Variants in RABEP2 observed in about 807,000 individuals in gnomAD.
RABEP2 encodes the protein rabaptin, RAB GTPase binding effector protein 2, also known as rab GTPase-binding effector protein 2.
A neutral mutation model predicts 74.1 loss-of-function variants in RABEP2; 57 were observed. That is an observed-to-expected ratio of 0.77 (90% CI 0.62 to 0.96). The LOEUF (loss-of-function observed/expected upper bound fraction) is 0.96, where lower values mean the gene tolerates loss of function less well. RABEP2 is among the 40% of genes least tolerant of loss of function. The pLI is 0.00. For synonymous variants in RABEP2, 351 were observed against 344.0 expected (o/e 1.02, Z -0.23); for missense variants, 692 against 756.3 (o/e 0.91, Z 1.00).
chr16:28,925,056 C>T, intron 1 of RABEP2, 47 bp downstream of exon 1: 2 of 1,539,346 alleles, frequency 1.3e-6, no homozygotes, highest in Non-Finnish European at 1.7e-6. Context: ...CTCGGCCCCG[C>T]CCCCAGCATC....
rs1274632325 is a variant in RABEP2, at chr16:28,925,216, C to T, written c.-53G>A. The T allele has an allele frequency of 2.0e-6, 3 of 1,500,250 alleles. No homozygotes were observed. Among genetic ancestry groups the T allele is most frequent in the African/African-American group, 1.4e-5 (1 of 70,840 alleles). The allele number at this position is 1,500,250 out of a possible 1,614,324, so 92.9% of individuals were successfully genotyped here. Reference sequence around the variant, plus strand: ...CACTCCCTGGTGACGGAGCGCACCGCTTCCGGGTCCTCTCGGCTGTTTCCG... The same window carrying T: ...CACTCCCTGGTGACGGAGCGCACCGTTTCCGGGTCCTCTCGGCTGTTTCCG... On this transcript the variant is annotated 5_prime_UTR_variant, in exon 1 of 13. Transcript: ENST00000358201.
At chr16:28,905,104 C>T in intron 12 of RABEP2, 60 bp from the exon 13 acceptor site, 2 of 1,418,404 alleles carry the variant, frequency 1.4e-6, no homozygotes, top group South Asian at 1.2e-5. Flanking sequence ...CCCTACCCCA[C>T]CTGCCAGCCC....
intron 7 of RABEP2, chr16:28,910,393 T>A (rs1391023129): frequency 1.3e-5 from 2 of 152,322 alleles, no homozygotes; most frequent in African/African-American, 4.8e-5. Flanking sequence ...CAAGCGATTA[T>A]CCTGCCCAGC....
In RABEP2 at chr16:28,924,702, GCCTTCATCTGGGGCCT is replaced by G. The variant is rs1953549959; in HGVS notation, c.62-103_62-88del. The G allele has an allele frequency of 6.4e-6, 8 of 1,244,546 alleles. No individual in the cohort carries two copies. In the South Asian group the frequency reaches 1.0e-4, roughly 16 times the overall value. The allele number at this position is 1,244,546 out of a possible 1,614,324, so 77.1% of individuals were successfully genotyped here. A position where few individuals can be genotyped will look rare whatever the true frequency, so the allele number is the denominator to read the frequency against. On this transcript the variant is annotated intron_variant, in intron 1 of 12. Transcript: ENST00000358201. ...GCAAGTCCTGCAACCTAGTACTGTT[GCCTTCATCTGGGGCCT>G]CCTTCACCTGGGCCCGCCCGGCTCA...
chr16:28,907,251 C>G (rs907467877), intron 8 of RABEP2, among the ~76,000 whole-genome samples: 2 of 149,392 alleles, frequency 1.3e-5, no homozygotes, highest in African/African-American at 4.9e-5. Context: ...GCCTCAACCT[C>G]CCAGGCTCAA....
intron 2 of RABEP2, chr16:28,921,316 G>A: frequency 2.2e-6 from 1 of 449,660 alleles, no homozygotes; most frequent in South Asian, 1.6e-5. Context: ...TATGGGAAGA[G>A]GTACAGGAGA....
intron 2 of RABEP2, among the ~76,000 whole-genome samples, chr16:28,922,320 C>T (rs1264708679): frequency 3.3e-5 from 5 of 152,106 alleles, no homozygotes; most frequent in South Asian, 2.1e-4. Context: ...GGCGTGCTGG[C>T]TCACGCCTCT....
rs200115902 is a variant in RABEP2, at chr16:28,908,622, G to A, written c.1232C>T (p.Pro411Leu). The change falls in exon 8 of 13, where the codon CCC (proline) becomes CTC (leucine). Residue 411 changes from proline to leucine, a missense_variant. By Grantham distance (98) the Pro-to-Leu change is moderately conservative. Coordinates refer to ENST00000358201, the MANE Select transcript of RABEP2 (RefSeq NM_024816.3). ...QQEQGEEESL[P>L]SSVPELQQLL... The stretch of plus-strand genomic sequence containing the variant: ...CACTCAGCTTACTGGCACAGAGCTG[G>A]GCAGTGATTCCTCCTCGCCCTGCTC... The A allele has an allele frequency of 1.1e-5, 18 of 1,612,810 alleles. No homozygotes were observed. Among genetic ancestry groups the A allele is most frequent in the Non-Finnish European group, 1.5e-5 (18 of 1,179,588 alleles).
In RABEP2 at chr16:28,918,839, G is replaced by C. The variant is rs565813895; in HGVS notation, c.432+947C>G. Among the ~76,000 whole-genome samples the C allele has an allele frequency of 1.6e-4, 25 of 152,194 alleles. No homozygotes were observed. In the South Asian group the frequency reaches 5.0e-3, roughly 30 times the overall value. ...GTTAATTTAACAAAAAAAGTTTTTAGAGATGGGATCTTGCTATGGTGCCCA... is the reference window on the plus strand; with the variant it reads ...GTTAATTTAACAAAAAAAGTTTTTACAGATGGGATCTTGCTATGGTGCCCA... On this transcript the variant is annotated intron_variant, in intron 3 of 12. Coordinates refer to ENST00000358201, the MANE Select transcript of RABEP2 (RefSeq NM_024816.3).
intron 1 of RABEP2, 66 bp downstream of exon 1, chr16:28,925,037 G>A (rs1433932474): frequency 2.7e-6 from 4 of 1,459,736 alleles, no homozygotes; most frequent in Middle Eastern, 1.7e-4. Context: ...CCCATCCGCA[G>A]GTGGCTGGCT....
chr16:28,907,637 ATAT>A (rs771038250), intron 8 of RABEP2, among the ~76,000 whole-genome samples: 1 of 151,670 alleles, frequency 6.6e-6, no homozygotes, highest in Non-Finnish European at 1.5e-5. Flanking sequence ...TTAATAAGCC[ATAT>A]TATTATTATT....
intron 3 of RABEP2, among the ~76,000 whole-genome samples, chr16:28,915,450 G>A (rs956147355): frequency 1.3e-4 from 20 of 152,048 alleles, no homozygotes; most frequent in Admixed American, 1.1e-3. Context: ...CAGCTTCCTT[G>A]CAACTAAACA....
rs781582860 is a variant in RABEP2, at chr16:28,904,933, T to C, written c.*10A>G. On this transcript the variant is annotated 3_prime_UTR_variant, in exon 13 of 13. Coordinates refer to ENST00000358201, the MANE Select transcript of RABEP2 (RefSeq NM_024816.3). Reference sequence around the variant, plus strand: ...CTTTCCCAGGGTGGGGGTGGGGATATCCTGACCCCTCAGGTGTCCTTGATG... The same window carrying C: ...CTTTCCCAGGGTGGGGGTGGGGATACCCTGACCCCTCAGGTGTCCTTGATG... The C allele has an allele frequency of 1.2e-6, 2 of 1,601,806 alleles. No individual in the cohort carries two copies. Among genetic ancestry groups the C allele is most frequent in the South Asian group, 1.1e-5 (1 of 90,706 alleles).
In RABEP2 at chr16:28,924,607, CCT is replaced by C. The variant is rs1964509347; in HGVS notation, c.68_69del (p.Glu23GlyfsTer11). On this transcript the variant is annotated frameshift_variant, in exon 2 of 13. Coordinates refer to ENST00000358201, the MANE Select transcript of RABEP2 (RefSeq NM_024816.3). LOFTEE classifies it high-confidence loss of function. ...TTTGCCCCTTCCTGGGACCGGGAGT[CCT>C]CCAGTGCTGTGGGGGACAGGGATCA... ...ERRRRPGAALEDSRSQEGANG... is the reference protein window; with the variant it reads ...ERRRRPGAALXDSRSQEGANG... 2 of 1,610,126 alleles carry C rather than the reference CCT, an allele frequency of 1.2e-6. 1 individual carries two copies. The highest frequency in any genetic ancestry group is 2.2e-5 in the South Asian group (2 of 91,072).
chr16:28,917,301 T>G (rs370065309), intron 3 of RABEP2, among the ~76,000 whole-genome samples: 46 of 152,318 alleles, frequency 3.0e-4, no homozygotes, highest in African/African-American at 1.0e-3. Flanking sequence ...TGGCCACAAG[T>G]TGTTCAAGGC....
rs1189789389 is a variant in RABEP2 at position 28,924,442 on chromosome 16, A to G, written c.235T>C (p.Cys79Arg). 1 of 1,613,584 alleles carries G rather than the reference A, an allele frequency of 6.2e-7. No individual in the cohort carries two copies. Among genetic ancestry groups the G allele is most frequent in the East Asian group, 2.2e-5 (1 of 44,864 alleles). ...AEAVAAVQRQ[C>R]QEEVASLQAI... ...TGCAGCGAGGCCACCTCCTCTTGGC[A>G]CTGCCGCTGCACCGCAGCCACAGCC... Residue 79 changes from cysteine (C) to arginine (R), a missense_variant, in exon 2 of 13, where the codon TGC (cysteine) becomes CGC (arginine). Cys to Arg is a radical substitution (Grantham distance 180, BLOSUM62 -3). Transcript: ENST00000358201.
chr16:28,906,787 AAACAAC>A (rs573304122), intron 8 of RABEP2, among the ~76,000 whole-genome samples: 51 of 150,966 alleles, frequency 3.4e-4, no homozygotes, highest in African/African-American at 1.1e-3. Context: ...AAACAAAAAC[AAACAAC>A]AACAACAACA....
Position 28,904,907 on chromosome 16 carries a change from T to A in RABEP2, c.*36A>T. On this transcript the variant is annotated 3_prime_UTR_variant, in exon 13 of 13. Coordinates refer to ENST00000358201, the MANE Select transcript of RABEP2 (RefSeq NM_024816.3). ...CATGGTTCAGGAGTGGGGAAAGGCG[T>A]CTTTCCCAGGGTGGGGGTGGGGATA... is the stretch of plus-strand genomic sequence containing the variant. 1 of 1,491,800 alleles carries A rather than the reference T, an allele frequency of 6.7e-7. No homozygotes were observed. Among genetic ancestry groups the A allele is most frequent in the Non-Finnish European group, 9.3e-7 (1 of 1,074,940 alleles). 92.4% of individuals were successfully genotyped at this position (1,491,800 alleles called of 1,614,324 possible).
At chr16:28,915,242 G>A (rs1255114965) in intron 3 of RABEP2, among the ~76,000 whole-genome samples, 1 of 145,616 alleles carries the variant, frequency 6.9e-6, no homozygotes, top group African/African-American at 2.6e-5. Flanking sequence ...ATTTTTTTGT[G>A]GAGACAGGAT....
Sources: allele counts gnomAD v4.1 joint callset (sites outside exome capture counted in the v4.1 genomes callset), GRCh38; gene constraint gnomAD v4.1.1; transcripts MANE v1.5; gene names NCBI Gene and HGNC (gene_info 2026-07-23, HGNC 2026-07-21).